Variants in LCLAT1 observed in about 807,000 individuals in gnomAD.
LCLAT1 encodes lysocardiolipin acyltransferase 1.
Under a neutral mutation model 30.7 loss-of-function variants are expected in LCLAT1, and 11 were observed. The observed-to-expected ratio is 0.36, with a 90% CI of 0.23 to 0.59. The LOEUF (loss-of-function observed/expected upper bound fraction) is 0.59, where lower values mean the gene tolerates loss of function less well. Ranked by LOEUF, LCLAT1 falls within the 20% of genes least tolerant of loss-of-function variation. The pLI is 0.77. For synonymous variants in LCLAT1, 155 were observed against 151.3 expected (o/e 1.02, Z -0.18); for missense variants, 402 against 458.6 (o/e 0.88, Z 1.13).
intron 2 of LCLAT1, among the ~76,000 whole-genome samples, chr2:30,532,087 A>G (rs1303311985): frequency 6.6e-6 from 1 of 152,074 alleles, no homozygotes; most frequent in Non-Finnish European, 1.5e-5. Context: ...AAAATATCTT[A>G]ATCTTTTAGA....
intron 5 of LCLAT1, among the ~76,000 whole-genome samples, chr2:30,604,090 T>TTCTTCTCTCTTTGCTGGGGACAGCAG (rs371444045): frequency 0.13 from 19,330 of 152,066 alleles, 1,366 homozygotes; most frequent in South Asian, 0.23. Context: ...AAGAACAGAG[T>TTCTTCTCTCTTTGCTGGGGACAGCAG]AAGCACATGT....
At chr2:30,570,394 A>G (rs558315777) in intron 5 of LCLAT1, among the ~76,000 whole-genome samples, 1 of 152,368 alleles carries the variant, frequency 6.6e-6, no homozygotes, top group Admixed American at 6.5e-5. Context: ...GAGGATAACT[A>G]TAATAGTATA....
At chr2:30,476,670 T>TA (rs998360438) in intron 1 of LCLAT1, 1 of 349,364 alleles carries the variant, frequency 2.9e-6, no homozygotes, top group African/African-American at 2.1e-5. Context: ...TATATTACAG[T>TA]GTAGTAGTAA....
chr2:30,616,053 A>T (rs1192420598), intron 5 of LCLAT1, among the ~76,000 whole-genome samples: 1 of 152,194 alleles, frequency 6.6e-6, no homozygotes, highest in East Asian at 1.9e-4. Context: ...GGCCAGTTTC[A>T]TCTATAAGAA....
In LCLAT1 at chr2:30,566,012, C is replaced by A. The variant is rs553385579; in HGVS notation, c.512-2048C>A. ...GAATAGCTGCTAGTAGTCCCATGGG[C>A]GGAAGGAGTGTAGGAGTGGGAGAAT... On this transcript the variant is annotated intron_variant, in intron 4 of 5. Transcript: ENST00000379509. Among the ~76,000 whole-genome samples the A allele has an allele frequency of 3.9e-5, 6 of 152,096 alleles. No individual in the cohort carries two copies. In the South Asian group the frequency reaches 6.2e-4, roughly 16 times the overall value.
chr2:30,583,659 T>C (rs1666300767), intron 5 of LCLAT1, among the ~76,000 whole-genome samples: 2 of 152,182 alleles, frequency 1.3e-5, no homozygotes, highest in South Asian at 4.1e-4. Flanking sequence ...TATTAAGTGA[T>C]AGCAAATGGA....
chr2:30,498,276 A>G (rs1478387739), intron 1 of LCLAT1, among the ~76,000 whole-genome samples: 1 of 152,196 alleles, frequency 6.6e-6, no homozygotes, highest in Non-Finnish European at 1.5e-5. Flanking sequence ...ACTTAGAAGT[A>G]TGTTAGTGTA....
intron 3 of LCLAT1, among the ~76,000 whole-genome samples, chr2:30,547,298 A>G (rs1246909778): frequency 1.3e-5 from 2 of 152,162 alleles, no homozygotes; most frequent in Non-Finnish European, 1.5e-5. Flanking sequence ...TCTTTATTAT[A>G]TTGATAAGAT....
intron 5 of LCLAT1, among the ~76,000 whole-genome samples, chr2:30,629,878 T>C (rs1182048958): frequency 6.6e-6 from 1 of 152,154 alleles, no homozygotes; most frequent in East Asian, 1.9e-4. Context: ...ACAGCATCGA[T>C]GGAAAGATGC....
intron 5 of LCLAT1, among the ~76,000 whole-genome samples, chr2:30,591,145 G>A (rs938361514): frequency 2.0e-5 from 3 of 152,026 alleles, no homozygotes; most frequent in African/African-American, 7.2e-5. Context: ...TAGGGCATTA[G>A]AAAATCAGTT....
intron 5 of LCLAT1, among the ~76,000 whole-genome samples, chr2:30,580,786 A>G (rs765776065): frequency 2.6e-5 from 4 of 152,084 alleles, no homozygotes; most frequent in Non-Finnish European, 4.4e-5. Context: ...CTGAATATAT[A>G]TTTTTGTTTG....
chr2:30,540,360 C>G (rs1406755563), intron 3 of LCLAT1, among the ~76,000 whole-genome samples: 2 of 152,058 alleles, frequency 1.3e-5, no homozygotes, highest in African/African-American at 2.4e-5. Flanking sequence ...GTATTTTTAA[C>G]CCATCCACTG....
At chr2:30,539,756 T>A (rs983959188) in intron 3 of LCLAT1, among the ~76,000 whole-genome samples, 6 of 152,304 alleles carry the variant, frequency 3.9e-5, no homozygotes, top group Admixed American at 1.3e-4. Context: ...GGTAAAAGAA[T>A]CTCTAATAAT....
chr2:30,588,693 C>T (rs1181176832), intron 5 of LCLAT1, among the ~76,000 whole-genome samples: 2 of 152,104 alleles, frequency 1.3e-5, no homozygotes, highest in Admixed American at 6.5e-5. Context: ...CTCCGTCTCC[C>T]GGGTTCAAAC....
At chr2:30,504,286 TTTCTGAC>T (rs1185768135) in intron 1 of LCLAT1, among the ~76,000 whole-genome samples, 1 of 142,170 alleles carries the variant, frequency 7.0e-6, no homozygotes, top group Non-Finnish European at 1.6e-5. Context: ...GTAAACCTGC[TTTCTGAC>T]TTCATCACTT....
intron 5 of LCLAT1, among the ~76,000 whole-genome samples, chr2:30,578,393 G>A (rs906366650): frequency 2.6e-5 from 4 of 152,072 alleles, no homozygotes; most frequent in African/African-American, 9.7e-5. Flanking sequence ...GTGTGCATAG[G>A]GCTTGAAGGG....
chr2:30,510,388 T>TA (rs1158683590), intron 1 of LCLAT1, among the ~76,000 whole-genome samples: 1 of 152,212 alleles, frequency 6.6e-6, no homozygotes, highest in Non-Finnish European at 1.5e-5. Flanking sequence ...TTTAGAATCT[T>TA]AAAGTTTTTG....
intron 3 of LCLAT1, among the ~76,000 whole-genome samples, chr2:30,537,276 G>A (rs1045589269): frequency 2.0e-5 from 3 of 152,056 alleles, no homozygotes; most frequent in African/African-American, 7.2e-5. Flanking sequence ...AGCTACTCGG[G>A]AGGCTGAGGC....
chr2:30,449,383 C>T (rs187563103), intron 1 of LCLAT1, among the ~76,000 whole-genome samples: 50 of 152,164 alleles, frequency 3.3e-4, no homozygotes, highest in Admixed American at 1.3e-3. Context: ...ATTCCATTGG[C>T]GTCCAATAGT....
Sources: allele counts gnomAD v4.1 joint callset (sites outside exome capture counted in the v4.1 genomes callset), GRCh38; gene constraint gnomAD v4.1.1; transcripts MANE v1.5; gene names NCBI Gene and HGNC (gene_info 2026-07-23, HGNC 2026-07-21).